Variants in ZNF267 observed in about 807,000 individuals in gnomAD.
ZNF267 encodes zinc finger (C2H2).
In ZNF267, 61 loss-of-function variants were observed where a neutral mutation model predicts 71.6. The observed-to-expected ratio is 0.85, with a 90% CI of 0.69 to 1.05. The LOEUF is 1.05. ZNF267 is among the 50% of genes least tolerant of loss of function. The pLI is 0.00. For synonymous variants in ZNF267, 288 were observed against 293.2 expected (o/e 0.98, Z 0.18); for missense variants, 852 against 870.0 (o/e 0.98, Z 0.26).
intron 3 of ZNF267, among the ~76,000 whole-genome samples, chr16:31,908,933 G>A (rs2084112857): frequency 6.6e-6 from 1 of 151,874 alleles, no homozygotes; most frequent in Non-Finnish European, 1.5e-5. Flanking sequence ...TTTTAGGATT[G>A]TTTTTTCTAA....
chr16:31,899,494 GAC>G (rs1265033099), intron 3 of ZNF267, among the ~76,000 whole-genome samples: 2 of 152,146 alleles, frequency 1.3e-5, no homozygotes, highest in Non-Finnish European at 1.5e-5. Flanking sequence ...TGAGAACAAA[GAC>G]ACAACATACC....
At chr16:31,884,231 C>G (rs193268044) in intron 1 of ZNF267, among the ~76,000 whole-genome samples, 1 of 152,090 alleles carries the variant, frequency 6.6e-6, no homozygotes, top group South Asian at 2.1e-4. Flanking sequence ...AAATATAGCA[C>G]CCAAAAATGT....
intron 3 of ZNF267, among the ~76,000 whole-genome samples, chr16:31,907,817 A>C (rs1471814855): frequency 6.6e-6 from 1 of 151,978 alleles, no homozygotes. Context: ...CGGGTGGATC[A>C]CGAGGTCAGG....
At chr16:31,903,080 G>A (rs2084055107) in intron 3 of ZNF267, among the ~76,000 whole-genome samples, 1 of 152,128 alleles carries the variant, frequency 6.6e-6, no homozygotes, top group Non-Finnish European at 1.5e-5. Flanking sequence ...TTTATATGCT[G>A]GATTATGTTT....
chr16:31,907,442 T>A (rs551566846), intron 3 of ZNF267, among the ~76,000 whole-genome samples: 35 of 152,316 alleles, frequency 2.3e-4, no homozygotes, highest in Admixed American at 3.9e-4. Flanking sequence ...ATTTTTTACC[T>A]GCTACATCAG....
At position 31,873,951 on chromosome 16, in the gene ZNF267, T is replaced by C; in HGVS notation, c.-16T>C. On this transcript the variant is annotated 5_prime_UTR_variant, in exon 1 of 4. Transcript: ENST00000300870. Reference sequence around the variant, plus strand: ...GATTCGTAGCTAAGACGCCAGGGCATCCCGGAAGCTGGGAAATGGTGAGTG... The same window carrying C: ...GATTCGTAGCTAAGACGCCAGGGCACCCCGGAAGCTGGGAAATGGTGAGTG... 6.2e-7 allele frequency: 1 copy of C among 1,613,492 alleles called. No individual in the cohort carries two copies. Among genetic ancestry groups the C allele is most frequent in the South Asian group, 1.1e-5 (1 of 91,018 alleles).
At position 31,914,948 on chromosome 16, in the gene ZNF267, T is replaced by C; in HGVS notation, c.699T>C (p.Asn233=). ...TGAACCAAAGCTCAAGCCCTAAAAA[T>C]CATCAGGAAAATTATTTTCTAGAAA... The part of the protein sequence containing the change: ...KTLNQSSSPK[N]HQENYFLEKQ... Residue 233 remains asparagine (N), a synonymous_variant, in exon 4 of 4, where the codon AAT becomes AAC. Coordinates refer to ENST00000300870, the MANE Select transcript of ZNF267 (RefSeq NM_003414.6). The C allele has an allele frequency of 6.2e-7, 1 of 1,609,004 alleles. No homozygotes were observed. The highest frequency in any genetic ancestry group is 8.5e-7 in the Non-Finnish European group (1 of 1,178,624).
intron 3 of ZNF267, among the ~76,000 whole-genome samples, chr16:31,897,087 G>A (rs1387010514): frequency 6.3e-5 from 9 of 143,254 alleles, no homozygotes; most frequent in African/African-American, 2.3e-4. Flanking sequence ...TCCTGTTAGA[G>A]ACAAAAAGAT....
intron 3 of ZNF267, among the ~76,000 whole-genome samples, chr16:31,898,524 C>T (rs1239856074): frequency 7.3e-6 from 1 of 137,664 alleles, no homozygotes; most frequent in Non-Finnish European, 1.6e-5. Context: ...TTTCCTCTTG[C>T]TGTCTTCCTT....
At chr16:31,886,053 A>G (rs1392476924) in intron 3 of ZNF267, among the ~76,000 whole-genome samples, 1 of 152,202 alleles carries the variant, frequency 6.6e-6, no homozygotes, top group African/African-American at 2.4e-5. Flanking sequence ...TGTCTGGTTC[A>G]GTATGAAGCT....
At chr16:31,908,593 A>G (rs2084110134) in intron 3 of ZNF267, among the ~76,000 whole-genome samples, 1 of 152,032 alleles carries the variant, frequency 6.6e-6, no homozygotes, top group Non-Finnish European at 1.5e-5. Flanking sequence ...GATAGGGTCT[A>G]GTTTCTGTTT....
rs919534187 is a variant in ZNF267, at chr16:31,893,267, C to T, written c.226+8011C>T. On this transcript the variant is annotated intron_variant, in intron 3 of 3. Transcript: ENST00000300870. The stretch of plus-strand genomic sequence containing the variant: ...CTGCTGGAGCCGCTGGGATGCAGGG[C>T]ACCAAGTCCCTAGGCTGCAGGCAGC... Among the ~76,000 whole-genome samples the T allele has an allele frequency of 2.6e-5, 4 of 152,332 alleles. No homozygotes were observed. In the East Asian group the frequency reaches 7.7e-4, roughly 29 times the overall value.
At chr16:31,901,919 A>G (rs1374314577) in intron 3 of ZNF267, among the ~76,000 whole-genome samples, 1 of 152,000 alleles carries the variant, frequency 6.6e-6, no homozygotes, top group African/African-American at 2.4e-5. Flanking sequence ...AGGGTTCTTA[A>G]GTTTTAGGTC....
chr16:31,904,891 T>C (rs925866437), intron 3 of ZNF267, among the ~76,000 whole-genome samples: 8 of 152,266 alleles, frequency 5.3e-5, no homozygotes, highest in Non-Finnish European at 1.2e-4. Flanking sequence ...TGATGGTCTT[T>C]ACAGTTTGGC....
Position 31,873,985 on chromosome 16 carries a change from C to G in ZNF267, c.3+16C>G. ...CTGGGAAATGGTGAGTGTGCGGGGT[C>G]GGGGGTCCCCAGAGGGAGGGAGGGC... On this transcript the variant is annotated intron_variant, in intron 1 of 3. Coordinates refer to ENST00000300870, the MANE Select transcript of ZNF267 (RefSeq NM_003414.6). 1 of 1,610,358 alleles carries G rather than the reference C, an allele frequency of 6.2e-7. No homozygotes were observed. Among genetic ancestry groups the G allele is most frequent in the Middle Eastern group, 1.7e-4 (1 of 6,046 alleles).
chr16:31,908,022 G>A (rs2084105279), intron 3 of ZNF267, among the ~76,000 whole-genome samples: 1 of 151,464 alleles, frequency 6.6e-6, no homozygotes, highest in South Asian at 2.1e-4. Context: ...CAGCCTGGGT[G>A]ACAACGCAAG....
chr16:31,899,698 T>C (rs117098875), intron 3 of ZNF267, among the ~76,000 whole-genome samples: 1,715 of 152,230 alleles, frequency 0.011, 18 homozygotes, highest in Non-Finnish European at 0.017. Context: ...AACTGTGGTG[T>C]TTAGGAACAG....
At chr16:31,910,614 T>C (rs1199634085) in intron 3 of ZNF267, among the ~76,000 whole-genome samples, 1 of 151,564 alleles carries the variant, frequency 6.6e-6, no homozygotes, top group African/African-American at 2.4e-5. Flanking sequence ...TCATCTCTGG[T>C]TTTATGTGGG....
chr16:31,905,554 AC>A (rs1319275911), intron 3 of ZNF267, among the ~76,000 whole-genome samples: 1 of 151,950 alleles, frequency 6.6e-6, no homozygotes, highest in Non-Finnish European at 1.5e-5. Context: ...CATCACTGGT[AC>A]CCTTTCTTCC....
Sources: gnomAD v4.1 joint callset for allele counts (sites outside exome capture counted in the v4.1 genomes callset) on GRCh38, gnomAD v4.1.1 for gene constraint, MANE v1.5 for transcripts, NCBI Gene and HGNC (gene_info 2026-07-23, HGNC 2026-07-21) for gene names.